Variants in CDH12 observed in about 807,000 individuals in gnomAD.
CDH12 encodes the protein cadherin-12.
A neutral mutation model predicts 74.1 loss-of-function variants in CDH12; 41 were observed. The ratio of observed to expected loss-of-function variants is 0.55; its 90% CI spans 0.43 to 0.72. CDH12 has a LOEUF of 0.72. Among genes scored for constraint, CDH12 ranks in the 30% least tolerant of loss-of-function variants. The pLI, the probability that CDH12 is intolerant of heterozygous loss-of-function variation, is 0.00. For missense variants in CDH12, 945 were observed against 977.2 expected (o/e 0.97, Z 0.44); for synonymous variants, 399 against 355.0 (o/e 1.12, Z -1.39).
At chr5:22,673,537 T>G (rs1162002806) in intron 1 of CDH12, among the ~76,000 whole-genome samples, 1 of 152,180 alleles carries the variant, frequency 6.6e-6, no homozygotes, top group Non-Finnish European at 1.5e-5. Flanking sequence ...TTTATTAATG[T>G]ACTTTTAATT....
At chr5:22,209,623 T>G (rs557112356) in intron 4 of CDH12, among the ~76,000 whole-genome samples, 264 of 150,302 alleles carry the variant, frequency 1.8e-3, no homozygotes, top group African/African-American at 6.2e-3. Context: ...GTTTTTTCTG[T>G]CAGTAGTAAT....
intron 11 of CDH12, among the ~76,000 whole-genome samples, chr5:21,767,994 T>TG (rs1332491574): frequency 6.6e-6 from 1 of 151,744 alleles, no homozygotes; most frequent in East Asian, 1.9e-4. Flanking sequence ...AATGAATATT[T>TG]GGGGCAGCAA....
chr5:22,053,187 A>G (rs2150196343), intron 5 of CDH12, among the ~76,000 whole-genome samples: 1 of 152,106 alleles, frequency 6.6e-6, no homozygotes, highest in Non-Finnish European at 1.5e-5. Context: ...TGCTGCTCCA[A>G]AGCTCTTCAC....
chr5:22,838,779 A>T (rs1035445680), intron 1 of CDH12, among the ~76,000 whole-genome samples: 8 of 151,416 alleles, frequency 5.3e-5, no homozygotes, highest in African/African-American at 1.9e-4. Context: ...GGCTCAAGGG[A>T]TCCTCTCTCC....
chr5:22,029,760 T>G (rs1298052438), intron 5 of CDH12, among the ~76,000 whole-genome samples: 2 of 151,860 alleles, frequency 1.3e-5, no homozygotes, highest in African/African-American at 4.8e-5. Flanking sequence ...ATCCCATTAC[T>G]GGGTATATAC....
At chr5:21,838,855 C>G (rs1277597722) in intron 8 of CDH12, among the ~76,000 whole-genome samples, 1 of 152,186 alleles carries the variant, frequency 6.6e-6, no homozygotes, top group Non-Finnish European at 1.5e-5. Context: ...GTCTCAAGTC[C>G]AACTTCTACA....
At chr5:22,169,997 C>T (rs1345376317) in intron 4 of CDH12, among the ~76,000 whole-genome samples, 4 of 151,820 alleles carry the variant, frequency 2.6e-5, no homozygotes, top group Admixed American at 1.3e-4. Context: ...TAAAAATATG[C>T]CTAATTGAAA....
rs141874840 is a variant in CDH12, at chr5:22,256,290, T to A, written c.-332-43647A>T. ...TCAATGACAGCATGTACAATGGTGG[T>A]CCCATAAGATTATAAAGGAGATAAA... is the stretch of plus-strand genomic sequence containing the variant. On this transcript the variant is annotated intron_variant, in intron 3 of 14. Transcript: ENST00000382254. 1.2e-4 allele frequency among the ~76,000 whole-genome samples: 19 copies of A among 152,174 alleles called. No individual in the cohort carries two copies. The East Asian group carries it at 3.5e-3, about 28-fold the overall frequency.
At chr5:22,311,934 T>A (rs1738412192) in intron 3 of CDH12, among the ~76,000 whole-genome samples, 1 of 152,158 alleles carries the variant, frequency 6.6e-6, no homozygotes, top group Non-Finnish European at 1.5e-5. Flanking sequence ...TTACAATATT[T>A]ATAAGTGGTA....
At chr5:21,840,719 G>C (rs1749794055) in intron 8 of CDH12, among the ~76,000 whole-genome samples, 1 of 152,000 alleles carries the variant, frequency 6.6e-6, no homozygotes, top group African/African-American at 2.4e-5. Context: ...ACAACTATCT[G>C]ATCTTTGACA....
chr5:21,874,212 A>T (rs1164854844), intron 6 of CDH12, among the ~76,000 whole-genome samples: 3 of 152,262 alleles, frequency 2.0e-5, no homozygotes, highest in Non-Finnish European at 4.4e-5. Flanking sequence ...GTCAAAGGAC[A>T]TAAACAGACA....
intron 2 of CDH12, among the ~76,000 whole-genome samples, chr5:22,419,647 T>C (rs939313162): frequency 6.6e-6 from 1 of 152,188 alleles, no homozygotes; most frequent in Non-Finnish European, 1.5e-5. Context: ...ATGATTTATA[T>C]TGCTTTGGGT....
At position 22,488,653 on chromosome 5, in the gene CDH12, C is replaced by T. The variant is rs2126636329; in HGVS notation, c.-428+16617G>A. ...AAACTCTGGGCCACTATCCATCTAC[C>T]CTAATTATCCTAGGGCCAACTACCA... On this transcript the variant is annotated intron_variant, in intron 2 of 14. Coordinates refer to ENST00000382254, the MANE Select transcript of CDH12 (RefSeq NM_004061.5). 1.3e-5 allele frequency among the ~76,000 whole-genome samples: 2 copies of T among 152,230 alleles called. 1 individual carries two copies. Among genetic ancestry groups the T allele is most frequent in the South Asian group, 4.2e-4 (2 of 4,814 alleles).
intron 1 of CDH12, among the ~76,000 whole-genome samples, chr5:22,688,069 G>C (rs16898146): frequency 0.14 from 22,006 of 151,928 alleles, 2,220 homozygotes; most frequent in African/African-American, 0.26. Context: ...TACTGCATTT[G>C]TAAGTTACCA....
At chr5:22,488,654 C>A (rs1406257994) in intron 2 of CDH12, among the ~76,000 whole-genome samples, 1 of 152,118 alleles carries the variant, frequency 6.6e-6, no homozygotes, top group Non-Finnish European at 1.5e-5. Context: ...TCCATCTACC[C>A]TAATTATCCT....
intron 3 of CDH12, among the ~76,000 whole-genome samples, chr5:22,346,316 A>T (rs995457046): frequency 6.6e-6 from 1 of 152,160 alleles, no homozygotes; most frequent in Non-Finnish European, 1.5e-5. Flanking sequence ...CCTATCATTC[A>T]TATTTTTAGC....
chr5:22,305,643 C>G (rs2968253), intron 3 of CDH12, among the ~76,000 whole-genome samples: 83,834 of 151,760 alleles, frequency 0.55, 23,749 homozygotes, highest in Non-Finnish European at 0.62. Context: ...CTTGGGAGAC[C>G]TGTGAGCCCT....
chr5:22,082,104 A>C (rs2150229273), intron 4 of CDH12, among the ~76,000 whole-genome samples: 1 of 152,282 alleles, frequency 6.6e-6, no homozygotes, highest in South Asian at 2.1e-4. Context: ...ATCTTAACTA[A>C]GCCCATATCA....
intron 1 of CDH12, among the ~76,000 whole-genome samples, chr5:22,603,683 T>G (rs747726366): frequency 2.0e-5 from 3 of 152,132 alleles, no homozygotes; most frequent in Non-Finnish European, 2.9e-5. Flanking sequence ...GGAGGTCAAA[T>G]AATTTGATCT....
Sources: gnomAD v4.1 joint callset for allele counts (sites outside exome capture counted in the v4.1 genomes callset) on GRCh38, gnomAD v4.1.1 for gene constraint, MANE v1.5 for transcripts, NCBI Gene and HGNC (gene_info 2026-07-23, HGNC 2026-07-21) for gene names.